KDM3B: variants seen among roughly 807,000 people sequenced by gnomAD.
The protein encoded by KDM3B is lysine demethylase 3B.
A neutral mutation model predicts 170.0 loss-of-function variants in KDM3B; 10 were observed. The ratio of observed to expected loss-of-function variants is 0.06; its 90% CI spans 0.04 to 0.10. The LOEUF is 0.10. Among genes scored for constraint, KDM3B ranks in the 10% least tolerant of loss-of-function variants. The pLI is 1.00. For missense variants in KDM3B, 1,394 were observed against 2,195.2 expected (o/e 0.64, Z 7.29); for synonymous variants, 831 against 834.8 (o/e 1.00, Z 0.08).
chr5:138,418,129 G>A (rs1763156622), intron 13 of KDM3B: 1 of 145,500 alleles, frequency 6.9e-6, no homozygotes, highest in South Asian at 2.2e-4. Context: ...GCCCATACTG[G>A]AGTGCAGTGG....
At chr5:138,403,677 C>CAAAAA (rs35608823) in intron 11 of KDM3B, among the ~76,000 whole-genome samples, 1 of 132,240 alleles carries the variant, frequency 7.6e-6, no homozygotes, top group South Asian at 2.4e-4. Flanking sequence ...AACTCTGTCT[C>CAAAAA]AAAAAAAAAA....
chr5:138,362,122 C>T (rs1374599468), intron 1 of KDM3B, among the ~76,000 whole-genome samples: 2 of 152,024 alleles, frequency 1.3e-5, no homozygotes, highest in Admixed American at 6.6e-5. Flanking sequence ...GAGTTCGAGA[C>T]CAGTCTGGCC....
At chr5:138,403,018 G>T (rs1762728933) in intron 11 of KDM3B, among the ~76,000 whole-genome samples, 1 of 152,200 alleles carries the variant, frequency 6.6e-6, no homozygotes, top group South Asian at 2.1e-4. Context: ...GAAAGCAATT[G>T]ACTGAATAAT....
chr5:138,426,924 G>C, intron 17 of KDM3B, 51 bp from the exon 18 acceptor site: 1 of 1,375,116 alleles, frequency 7.3e-7, no homozygotes, highest in Non-Finnish European at 1.0e-6. Flanking sequence ...GTTGAAAATC[G>C]GACACCAGCC....
chr5:138,421,191 A>AG (rs1457550731), intron 15 of KDM3B, among the ~76,000 whole-genome samples: 1 of 152,228 alleles, frequency 6.6e-6, no homozygotes, highest in African/African-American at 2.4e-5. Flanking sequence ...TCAGCAGAAA[A>AG]GTTAATACAT....
At chr5:138,382,938 T>G (rs902420018) in intron 6 of KDM3B, among the ~76,000 whole-genome samples, 4 of 152,128 alleles carry the variant, frequency 2.6e-5, no homozygotes. Context: ...ATTAAGCATA[T>G]ATTGTATGCC....
At chr5:138,392,514 T>C (rs1021995122) in intron 8 of KDM3B, among the ~76,000 whole-genome samples, 2 of 152,246 alleles carry the variant, frequency 1.3e-5, no homozygotes, top group Non-Finnish European at 2.9e-5. Flanking sequence ...TGATCTTCCT[T>C]GGCGGTCAGT....
intron 23 of KDM3B, among the ~76,000 whole-genome samples, chr5:138,433,042 C>G (rs1177039086): frequency 6.7e-6 from 1 of 150,248 alleles, no homozygotes; most frequent in African/African-American, 2.5e-5. Context: ...CTGCGCCCAG[C>G]CTGAAGAGGT....
intron 23 of KDM3B, among the ~76,000 whole-genome samples, chr5:138,434,052 T>C (rs1763608417): frequency 6.6e-6 from 1 of 152,164 alleles, no homozygotes; most frequent in African/African-American, 2.4e-5. Context: ...CATTGGTGTT[T>C]ACATAGAATG....
chr5:138,426,574 CAAAAAAAAAAAA>C (rs566978034), intron 17 of KDM3B, among the ~76,000 whole-genome samples: 5 of 69,194 alleles, frequency 7.2e-5, no homozygotes, highest in Admixed American at 6.8e-4. Context: ...GACTCCATCT[CAAAAAAAAAAAA>C]AAAAAAAAAG....
At chr5:138,371,626 G>C (rs757647) in intron 1 of KDM3B, among the ~76,000 whole-genome samples, 2 of 151,802 alleles carry the variant, frequency 1.3e-5, no homozygotes, top group African/African-American at 4.8e-5. Context: ...ACTACAGCAA[G>C]TGTCTGCTAA....
chr5:138,410,250 G>A (rs916699564), intron 11 of KDM3B, among the ~76,000 whole-genome samples: 1 of 152,122 alleles, frequency 6.6e-6, no homozygotes, highest in Admixed American at 6.6e-5. Context: ...GAAATACAGT[G>A]GATCTAGAAT....
intron 11 of KDM3B, among the ~76,000 whole-genome samples, chr5:138,402,371 T>C (rs1306478799): frequency 2.0e-5 from 3 of 152,200 alleles, no homozygotes; most frequent in Non-Finnish European, 4.4e-5. Context: ...CATTGTACAG[T>C]GGTTTAGAGT....
In KDM3B at chr5:138,391,373, C is replaced by T; in HGVS notation, c.1741C>T (p.Pro581Ser). ...GRSVLGTDTK[P>S]GSKAGSSVDR... ...ATCCGTTCTTGGAACAGACACTAAG[C>T]CAGGCTCTAAGGCTGGCAGCTCTGT... The change falls in exon 8 of 24, where the codon CCA becomes TCA. Residue 581 changes from proline to serine, a missense_variant. Pro to Ser is a moderately conservative substitution (Grantham distance 74, BLOSUM62 -1). Transcript: ENST00000314358. This position sits in a 1 kb window ranked among gnomAD's most constrained non-coding sequence, Gnocchi z 5.0. 1 of 1,614,086 alleles carries T rather than the reference C, an allele frequency of 6.2e-7. No individual in the cohort carries two copies. The highest frequency in any genetic ancestry group is 8.5e-7 in the Non-Finnish European group (1 of 1,179,988).
At chr5:138,431,890 C>T (rs190938290) in intron 23 of KDM3B, among the ~76,000 whole-genome samples, 1 of 145,486 alleles carries the variant, frequency 6.9e-6, no homozygotes, top group Admixed American at 6.9e-5. Flanking sequence ...CCAGCCTGGG[C>T]AACAGAGCAA....
In KDM3B at chr5:138,381,675, A is replaced by G. The variant is rs891322527; in HGVS notation, c.780+85A>G. On this transcript the variant is annotated intron_variant, in intron 6 of 23. Transcript: ENST00000314358. ...TAGATCCCTTATATATGTGTTTTCC[A>G]TGGATGCCTTTTGAGTTGTTCAGCT... 6.4e-5 allele frequency: 50 copies of G among 787,212 alleles called. No individual in the cohort carries two copies. In the African/African-American group the frequency reaches 9.9e-4, roughly 16 times the overall value. The allele number at this position is 787,212 out of a possible 1,614,324, so 48.8% of individuals were successfully genotyped here.
At chr5:138,403,419 T>C (rs1007601237) in intron 11 of KDM3B, among the ~76,000 whole-genome samples, 2 of 152,154 alleles carry the variant, frequency 1.3e-5, no homozygotes, top group African/African-American at 4.8e-5. Context: ...CTCATGCCTG[T>C]AATCTCAGCA....
chr5:138,435,307 A>G (rs1209625511), intron 23 of KDM3B, among the ~76,000 whole-genome samples: 3 of 152,224 alleles, frequency 2.0e-5, no homozygotes, highest in Non-Finnish European at 4.4e-5. Flanking sequence ...CATGATAATA[A>G]TAGAACCTAC....
chr5:138,424,294 A>G lies in KDM3B; in HGVS notation c.4192A>G (p.Asn1398Asp), dbSNP rs1248387580. 8.1e-6 allele frequency: 13 copies of G among 1,614,012 alleles called. No individual in the cohort carries two copies. The highest frequency in any genetic ancestry group is 1.1e-5 in the Non-Finnish European group (13 of 1,180,030). The change falls in exon 16 of 24, where the codon AAC becomes GAC. Residue 1398 changes from asparagine (N) to aspartate (D), a missense_variant. Asn to Asp is a conservative substitution (Grantham distance 23, BLOSUM62 1). Around this residue, in one of 19 missense-constraint regions of KDM3B, gnomAD observed 66 missense variants for 178.8 expected, o/e 0.37. Transcript: ENST00000314358. ...GRLLCLHDPS[N>D]KNNWKIFREC... is the part of the protein sequence containing the mutation. The stretch of plus-strand genomic sequence containing the variant: ...GCTTCTGTGTCTCCATGACCCCAGC[A>G]ACAAAAACAATTGGAAGATCTTCCG...
Sources: allele counts gnomAD v4.1 joint callset (sites outside exome capture counted in the v4.1 genomes callset), GRCh38; gene constraint gnomAD v4.1.1; regional missense constraint gnomAD v4.1.1; non-coding constraint Gnocchi (gnomAD v3.1); transcripts MANE v1.5; gene names NCBI Gene and HGNC (gene_info 2026-07-23, HGNC 2026-07-21).